Variants in NTRK3 observed in about 807,000 individuals in gnomAD.
NTRK3 encodes the protein NT-3 growth factor receptor.
NTRK3 carries 24 observed loss-of-function variants against 91.7 expected under a neutral mutation model. The ratio of observed to expected loss-of-function variants is 0.26; its 90% CI spans 0.19 to 0.37. The LOEUF is 0.37. NTRK3 is among the 10% of genes least tolerant of loss of function. NTRK3 has a pLI of 1.00. For missense variants in NTRK3, 880 were observed against 1,068.9 expected (o/e 0.82, Z 2.46); for synonymous variants, 483 against 404.0 (o/e 1.20, Z -2.34).
At chr15:88,220,295 C>T (rs911271776) in intron 3 of NTRK3, among the ~76,000 whole-genome samples, 2 of 152,030 alleles carry the variant, frequency 1.3e-5, no homozygotes, top group Non-Finnish European at 2.9e-5. Context: ...ACTGTAGGCA[C>T]GGAGAGGGGT....
At chr15:87,893,857 T>C (rs539984846) in intron 17 of NTRK3, among the ~76,000 whole-genome samples, 2 of 152,044 alleles carry the variant, frequency 1.3e-5, no homozygotes, top group African/African-American at 4.8e-5. Flanking sequence ...CTGGAACCAA[T>C]GGAGGGATTC....
intron 13 of NTRK3, among the ~76,000 whole-genome samples, chr15:88,080,735 C>A (rs899846568): frequency 1.7e-4 from 26 of 152,214 alleles, no homozygotes; most frequent in African/African-American, 6.3e-4. Context: ...ACCCAGAGTC[C>A]AAACAACTGA....
At chr15:88,229,202 G>A (rs932107714) in intron 3 of NTRK3, among the ~76,000 whole-genome samples, 12 of 152,156 alleles carry the variant, frequency 7.9e-5, no homozygotes, top group African/African-American at 2.2e-4. Context: ...GCAGCCAAAC[G>A]CAAGCCTGTC....
At chr15:88,137,494 C>T in exon 7 of NTRK3, 1 of 1,614,204 alleles carries the variant, frequency 6.2e-7, no homozygotes, top group Non-Finnish European at 8.5e-7. Context: ...TTGGCCTCCC[C>T]CTGCTCCTGC....
In NTRK3 at chr15:88,135,790, G is replaced by C; in HGVS notation, c.907+109C>G. On this transcript the variant is annotated intron_variant, in intron 9 of 18. Transcript: ENST00000394480. ...AAGAGTCCTTCTGTCCCTACTGGTAGATCAGCTCACTGCTCTAGCTCACCC... is the reference window on the plus strand; with the variant it reads ...AAGAGTCCTTCTGTCCCTACTGGTACATCAGCTCACTGCTCTAGCTCACCC... The C allele has an allele frequency of 2.1e-6, 3 of 1,439,010 alleles. No individual in the cohort carries two copies. The East Asian group carries it at 7.4e-5, about 35-fold the overall frequency. The allele number at this position is 1,439,010 out of a possible 1,614,324, so 89.1% of individuals were successfully genotyped here. A position where few individuals can be genotyped will look rare whatever the true frequency, so the allele number is the denominator to read the frequency against.
intron 14 of NTRK3, among the ~76,000 whole-genome samples, chr15:88,028,828 C>T (rs1317832123): frequency 2.0e-5 from 3 of 152,034 alleles, no homozygotes; most frequent in African/African-American, 4.8e-5. Flanking sequence ...CCCTGTTCAT[C>T]CTTAAGATTA....
intron 13 of NTRK3, among the ~76,000 whole-genome samples, chr15:88,084,336 G>A (rs910858954): frequency 6.6e-6 from 1 of 152,122 alleles, no homozygotes; most frequent in Non-Finnish European, 1.5e-5. Context: ...AAAGAAGCAG[G>A]GTTAGGCTAG....
intron 3 of NTRK3, chr15:88,252,969 A>C (rs901495629): frequency 2.0e-4 from 31 of 152,236 alleles, no homozygotes; most frequent in African/African-American, 7.2e-4. Flanking sequence ...ATCACTCCAC[A>C]CACCATCCCT....
At chr15:87,895,892 A>G (rs1472166902) in intron 17 of NTRK3, among the ~76,000 whole-genome samples, 1 of 151,762 alleles carries the variant, frequency 6.6e-6, no homozygotes, top group African/African-American at 2.4e-5. Context: ...ATTCCTTCCC[A>G]TTGATCCAGA....
intron 14 of NTRK3, among the ~76,000 whole-genome samples, chr15:88,018,430 A>C (rs2077387192): frequency 6.6e-6 from 1 of 152,198 alleles, no homozygotes; most frequent in Non-Finnish European, 1.5e-5. Flanking sequence ...TAGAAGTGGC[A>C]TGCTCCTAAA....
At chr15:87,986,229 C>A (rs886410609) in intron 14 of NTRK3, among the ~76,000 whole-genome samples, 1 of 152,122 alleles carries the variant, frequency 6.6e-6, no homozygotes. Context: ...TCTTTGTATT[C>A]AGTATATTTT....
intron 5 of NTRK3, among the ~76,000 whole-genome samples, chr15:88,171,008 G>T (rs867230820): frequency 6.6e-6 from 1 of 152,178 alleles, no homozygotes; most frequent in South Asian, 2.1e-4. Context: ...TGGGATGGGA[G>T]TTATCCTGGG....
intron 14 of NTRK3, among the ~76,000 whole-genome samples, chr15:88,010,966 G>A (rs987129281): frequency 6.6e-6 from 1 of 152,068 alleles, no homozygotes; most frequent in Non-Finnish European, 1.5e-5. Context: ...TCAGTTCAGG[G>A]TTTTGCCGTC....
intron 13 of NTRK3, among the ~76,000 whole-genome samples, chr15:88,121,384 C>G (rs2151064589): frequency 6.6e-6 from 1 of 152,254 alleles, no homozygotes; most frequent in South Asian, 2.1e-4. Flanking sequence ...AAAACTCAGC[C>G]AAACCAAAGC....
At position 88,128,754 on chromosome 15, in the gene NTRK3, A is replaced by T; in HGVS notation, c.1205-20T>A. Reference sequence around the variant, plus strand: ...TGCTCTCTGCAAAAAAAGGACAAAGAGATAATTAACAAATTTAATAAAAAC... The same window carrying T: ...TGCTCTCTGCAAAAAAAGGACAAAGTGATAATTAACAAATTTAATAAAAAC... On this transcript the variant is annotated intron_variant, in intron 10 of 18. Coordinates refer to ENST00000394480, the Ensembl canonical transcript of NTRK3. 1 of 1,612,470 alleles carries T rather than the reference A, an allele frequency of 6.2e-7. No homozygotes were observed. Among genetic ancestry groups the T allele is most frequent in the Non-Finnish European group, 8.5e-7 (1 of 1,178,524 alleles).
chr15:87,943,186 C>T (rs1374849730), intron 14 of NTRK3, among the ~76,000 whole-genome samples: 1 of 152,120 alleles, frequency 6.6e-6, no homozygotes, highest in Non-Finnish European at 1.5e-5. Flanking sequence ...GGTGCAGGAA[C>T]CACACTTTGA....
chr15:88,098,027 A>G (rs2049799434), intron 13 of NTRK3, among the ~76,000 whole-genome samples: 1 of 152,258 alleles, frequency 6.6e-6, no homozygotes, highest in Admixed American at 6.5e-5. Flanking sequence ...TTTATTCTAC[A>G]GTGTCCTTCC....
Position 88,173,274 on chromosome 15 carries a change from A to G in NTRK3, c.395+10144T>C, listed in dbSNP as rs74718609. Among the ~76,000 whole-genome samples, 139 of 152,264 alleles carry G rather than the reference A, an allele frequency of 9.1e-4. 4 individuals are homozygous for G. In the East Asian group the frequency reaches 0.025, roughly 27 times the overall value. On this transcript the variant is annotated intron_variant, in intron 5 of 18. Transcript: ENST00000394480. ...GCGCACATAGGCACAAAATTTTGGG[A>G]TGTTAGAGCAGACAGAGCCTTGGAG... is the stretch of plus-strand genomic sequence containing the variant.
Position 87,912,931 on chromosome 15 carries a change from A to AATATATATATATATAT in NTRK3, c.2133+16244_2133+16259dup, listed in dbSNP as rs58367924. On this transcript the variant is annotated intron_variant, in intron 17 of 18. Transcript: ENST00000394480. ...TTCAACTTTTCAAAAAGTAAAAAAA[A>AATATATATATATATAT]ATATATATATATATATATATATATA... 6.0e-3 allele frequency among the ~76,000 whole-genome samples: 217 copies of AATATATATATATATAT among 36,184 alleles called. 6 individuals carry two copies. Among genetic ancestry groups the AATATATATATATATAT allele is most frequent in the Admixed American group, 9.6e-3 (29 of 3,016 alleles). The allele number at this position is 36,184 out of a possible 152,430, so 23.7% of individuals were successfully genotyped here.
Sources: allele counts gnomAD v4.1 joint callset (sites outside exome capture counted in the v4.1 genomes callset), GRCh38; gene constraint gnomAD v4.1.1; transcripts MANE v1.5; gene names NCBI Gene and HGNC (gene_info 2026-07-23, HGNC 2026-07-21).